The following RGS3 variants were observed in gnomAD, a reference collection of about 807,000 sequenced individuals.
RGS3 encodes regulator of G-protein signalling 3.
RGS3 carries 80 observed loss-of-function variants against 132.6 expected under a neutral mutation model. The ratio of observed to expected loss-of-function variants is 0.60; its 90% CI spans 0.50 to 0.73. The LOEUF is 0.73. RGS3 is among the 30% of genes least tolerant of loss of function. The pLI is 0.00. For missense variants in RGS3, 1,382 were observed against 1,530.8 expected (o/e 0.90, Z 1.62); for synonymous variants, 598 against 620.6 (o/e 0.96, Z 0.54).
intron 20 of RGS3, among the ~76,000 whole-genome samples, chr9:113,585,670 C>T (rs535473968): frequency 1.3e-5 from 2 of 152,242 alleles, no homozygotes; most frequent in African/African-American, 4.8e-5. Flanking sequence ...TTGGCTAGAG[C>T]AGAGCATTCC....
At chr9:113,583,318 C>G (rs1834915845) in intron 19 of RGS3, 132 bp from the exon 18 acceptor site, 2 of 1,440,440 alleles carry the variant, frequency 1.4e-6, no homozygotes, top group Admixed American at 2.7e-5. Context: ...GGGGTTCCAT[C>G]TGGCACCTCA....
At chr9:113,561,206 G>T (rs1387751472) in intron 19 of RGS3, among the ~76,000 whole-genome samples, 3 of 149,034 alleles carry the variant, frequency 2.0e-5, no homozygotes, top group Non-Finnish European at 4.5e-5. Flanking sequence ...TGTATTTTTA[G>T]TAGAGACGAG....
chr9:113,448,426 C>CT (rs1346708533), intron 1 of RGS3, among the ~76,000 whole-genome samples: 4 of 151,508 alleles, frequency 2.6e-5, no homozygotes, highest in Non-Finnish European at 4.4e-5. Flanking sequence ...TACCTTCTGA[C>CT]TTTTTTTTTG....
intron 14 of RGS3, among the ~76,000 whole-genome samples, chr9:113,513,295 TC>T (rs199930211): frequency 6.6e-6 from 1 of 151,848 alleles, no homozygotes; most frequent in Non-Finnish European, 1.5e-5. Flanking sequence ...GAGGGACCCC[TC>T]CCCCCACACC....
intron 10 of RGS3, 68 bp from the exon 9 acceptor site, chr9:113,505,374 T>C: frequency 6.9e-7 from 1 of 1,447,726 alleles, no homozygotes; most frequent in Non-Finnish European, 9.7e-7. Context: ...GGCTGTGGGC[T>C]TCCTGACCTT....
intron 19 of RGS3, among the ~76,000 whole-genome samples, chr9:113,553,568 G>A (rs973064041): frequency 6.4e-5 from 9 of 139,578 alleles, no homozygotes; most frequent in Non-Finnish European, 7.7e-5. Context: ...GTGGCTGGGC[G>A]CTATGGCTCC....
At chr9:113,466,216 T>G (rs374790770) in intron 3 of RGS3, among the ~76,000 whole-genome samples, 51 of 152,310 alleles carry the variant, frequency 3.3e-4, no homozygotes, top group Non-Finnish European at 6.6e-4. Context: ...ACTTTTACTG[T>G]GAAGGTTTTG....
intron 3 of RGS3, among the ~76,000 whole-genome samples, chr9:113,465,477 GTGTGCC>G (rs1234468920): frequency 1.3e-4 from 18 of 140,936 alleles, no homozygotes; most frequent in African/African-American, 3.7e-4. Context: ...GTGTGTGTGT[GTGTGCC>G]TGTGTGTATT....
At chr9:113,556,780 C>T (rs1038970359) in intron 19 of RGS3, among the ~76,000 whole-genome samples, 2 of 152,182 alleles carry the variant, frequency 1.3e-5, no homozygotes, top group African/African-American at 4.8e-5. Flanking sequence ...GACTGGGCTA[C>T]TGAGGCCAGA....
At chr9:113,549,676 C>T (rs1433438787) in intron 19 of RGS3, among the ~76,000 whole-genome samples, 3 of 152,318 alleles carry the variant, frequency 2.0e-5, no homozygotes, top group Non-Finnish European at 1.5e-5. Context: ...ATTGGGGTTA[C>T]TGGTGCAATT....
exon 2 of RGS3, chr9:113,461,787 C>T (rs1829475986): frequency 6.2e-7 from 1 of 1,614,172 alleles, no homozygotes; most frequent in East Asian, 2.2e-5. Context: ...AGGTTGCTCA[C>T]AGCCTCTGGA....
chr9:113,591,576 C>G lies in RGS3; in HGVS notation c.3080+179C>G. 1 of 607,554 alleles carries G rather than the reference C, an allele frequency of 1.6e-6. No homozygotes were observed. Among genetic ancestry groups the G allele is most frequent in the South Asian group, 1.9e-5 (1 of 53,652 alleles). 37.6% of individuals were successfully genotyped at this position (607,554 alleles called of 1,614,324 possible). ...TTGCAGTGACCCCAAAGTGGGGTCA[C>G]CTGGGTCCTGAGCATTCTCTCCAAG... is the stretch of plus-strand genomic sequence containing the variant. On this transcript the variant is annotated intron_variant, in intron 21 of 24. Transcript: ENST00000350696. This position sits in a 1 kb window ranked among gnomAD's most constrained non-coding sequence, Gnocchi z 4.4.
chr9:113,583,740 C>T (rs776602684), exon 20 of RGS3: 2 of 1,614,118 alleles, frequency 1.2e-6, no homozygotes, highest in Non-Finnish European at 1.7e-6. Context: ...CCCAAGACCT[C>T]TCACCCTGCC....
Position 113,591,698 on chromosome 9 carries a change from G to T in RGS3, c.3080+301G>T. On this transcript the variant is annotated intron_variant, in intron 21 of 24. Coordinates refer to ENST00000350696, the Ensembl canonical transcript of RGS3. This position sits in a 1 kb window ranked among gnomAD's most constrained non-coding sequence, Gnocchi z 4.4. Reference sequence around the variant, plus strand: ...TTAGCCCAGCTTCTGAGCCAAGCAGGGACCAAGTGACTTCAACAACTCCTT... The same window carrying T: ...TTAGCCCAGCTTCTGAGCCAAGCAGTGACCAAGTGACTTCAACAACTCCTT... 1 of 371,710 alleles carries T rather than the reference G, an allele frequency of 2.7e-6. No individual in the cohort carries two copies. Among genetic ancestry groups the T allele is most frequent in the Non-Finnish European group, 5.2e-6 (1 of 194,108 alleles). The allele number at this position is 371,710 out of a possible 1,614,324, so 23.0% of individuals were successfully genotyped here.
chr9:113,515,184 G>A (rs1258952702), intron 15 of RGS3, among the ~76,000 whole-genome samples: 1 of 152,138 alleles, frequency 6.6e-6, no homozygotes, highest in East Asian at 1.9e-4. Context: ...ACAGCAAGCT[G>A]GGCCTGAAAT....
intron 1 of RGS3, among the ~76,000 whole-genome samples, chr9:113,450,985 C>G (rs1829228177): frequency 6.6e-6 from 1 of 152,038 alleles, no homozygotes; most frequent in Non-Finnish European, 1.5e-5. Context: ...CAAGACCAGC[C>G]TGGCCAATAT....
In RGS3 at chr9:113,463,619, G is replaced by T; in HGVS notation, c.415+1418G>T. On this transcript the variant is annotated intron_variant, in intron 3 of 24. Coordinates refer to ENST00000350696, the Ensembl canonical transcript of RGS3. This position sits in a 1 kb window ranked among gnomAD's most constrained non-coding sequence, Gnocchi z 4.6. ...CCCCGGCCCAGCTCTGCTCCGGCAG[G>T]TGGAACTCTCCCCATTCAAACCCGC... 8.4e-7 allele frequency: 1 copy of T among 1,196,968 alleles called. No individual in the cohort carries two copies. Among genetic ancestry groups the T allele is most frequent in the Non-Finnish European group, 1.1e-6 (1 of 921,590 alleles). 74.1% of individuals were successfully genotyped at this position (1,196,968 alleles called of 1,614,324 possible).
chr9:113,551,105 A>G (rs1198289343), intron 19 of RGS3, among the ~76,000 whole-genome samples: 2 of 152,226 alleles, frequency 1.3e-5, no homozygotes, highest in African/African-American at 4.8e-5. Flanking sequence ...AAATCATACT[A>G]CTTAGCTATC....
At chr9:113,518,481 G>A (rs185728461) in intron 16 of RGS3, among the ~76,000 whole-genome samples, 321 of 152,316 alleles carry the variant, frequency 2.1e-3, no homozygotes, top group Middle Eastern at 0.01. Flanking sequence ...TGTATTTGAG[G>A]CAGTAAGGGC....
Sources: allele counts gnomAD v4.1 joint callset (sites outside exome capture counted in the v4.1 genomes callset), GRCh38; gene constraint gnomAD v4.1.1; non-coding constraint Gnocchi (gnomAD v3.1); transcripts MANE v1.5; gene names NCBI Gene and HGNC (gene_info 2026-07-23, HGNC 2026-07-21).